The following DLGAP1 variants were observed in gnomAD, a reference collection of about 807,000 sequenced individuals.
DLGAP1 encodes the protein DLG associated protein 1.
In DLGAP1, 11 loss-of-function variants were observed where a neutral mutation model predicts 90.8. The ratio of observed to expected loss-of-function variants is 0.12; its 90% CI spans 0.08 to 0.20. DLGAP1 has a LOEUF of 0.20. DLGAP1 is among the 10% of genes least tolerant of loss of function. DLGAP1 has a pLI of 1.00. For synonymous variants in DLGAP1, 558 were observed against 540.7 expected (o/e 1.03, Z -0.44); for missense variants, 1,050 against 1,333.8 (o/e 0.79, Z 3.31).
intron 5 of DLGAP1, among the ~76,000 whole-genome samples, chr18:3,763,537 C>T (rs1170669917): frequency 1.3e-5 from 2 of 152,124 alleles, no homozygotes; most frequent in Non-Finnish European, 1.5e-5. Flanking sequence ...GGCCTATAAT[C>T]TCATTTTTTA....
At chr18:3,551,722 C>CCCTTCCTTCCTTCCTTCCTTCCTT (rs1156785378) in intron 9 of DLGAP1, among the ~76,000 whole-genome samples, 8 of 12,538 alleles carry the variant, frequency 6.4e-4, no homozygotes, top group African/African-American at 1.2e-3. Context: ...CTCCCTCCCT[C>CCCTTCCTTCCTTCCTTCCTTCCTT]CCTTCCTTCC....
At chr18:4,430,329 T>A (rs188248398) in intron 1 of DLGAP1, among the ~76,000 whole-genome samples, 211 of 152,314 alleles carry the variant, frequency 1.4e-3, no homozygotes, top group Non-Finnish European at 2.7e-3. Flanking sequence ...AAAGCGATAT[T>A]CACTTCCCCC....
At chr18:4,441,333 G>A (rs1182817113) in intron 1 of DLGAP1, among the ~76,000 whole-genome samples, 2 of 152,202 alleles carry the variant, frequency 1.3e-5, no homozygotes, top group African/African-American at 4.8e-5. Context: ...AGGTTCCACA[G>A]AGATTCACCT....
At chr18:3,581,664 GAA>G (rs71159093) in intron 8 of DLGAP1, among the ~76,000 whole-genome samples, 6 of 142,054 alleles carry the variant, frequency 4.2e-5, no homozygotes, top group African/African-American at 2.6e-5. Flanking sequence ...TTCTCACCAT[GAA>G]AAAAAAAAAA....
intron 11 of DLGAP1, among the ~76,000 whole-genome samples, chr18:3,505,638 A>T (rs1181331503): frequency 5.3e-5 from 2 of 38,080 alleles, no homozygotes; most frequent in Admixed American, 2.0e-4. Context: ...GACTCCCTCT[A>T]AAAAAAAAAA....
At chr18:4,281,201 T>G (rs1343447038) in intron 1 of DLGAP1, among the ~76,000 whole-genome samples, 1 of 152,136 alleles carries the variant, frequency 6.6e-6, no homozygotes, top group East Asian at 1.9e-4. Context: ...TTGAGAAAAG[T>G]TGGAGAAATG....
chr18:3,950,139 C>T (rs1036765112), intron 3 of DLGAP1, among the ~76,000 whole-genome samples: 1 of 152,128 alleles, frequency 6.6e-6, no homozygotes, highest in Admixed American at 6.6e-5. Context: ...AGAATAATAG[C>T]TTGAGTACCC....
At chr18:3,583,544 C>T (rs1342498302) in intron 7 of DLGAP1, among the ~76,000 whole-genome samples, 1 of 152,162 alleles carries the variant, frequency 6.6e-6, no homozygotes, top group Non-Finnish European at 1.5e-5. Context: ...CAAAAGTCTC[C>T]TATTGTAGAA....
chr18:4,243,677 G>A (rs1391149467), intron 1 of DLGAP1, among the ~76,000 whole-genome samples: 2 of 152,150 alleles, frequency 1.3e-5, no homozygotes, highest in African/African-American at 4.8e-5. Flanking sequence ...CTTTCTAAGA[G>A]CACTTACTTC....
chr18:4,282,318 C>T (rs910259168), intron 1 of DLGAP1, among the ~76,000 whole-genome samples: 48 of 147,528 alleles, frequency 3.3e-4, no homozygotes, highest in Non-Finnish European at 5.9e-4. Context: ...GAGCCGAGAT[C>T]GTGCCACTGC....
intron 4 of DLGAP1, among the ~76,000 whole-genome samples, chr18:3,824,212 T>C (rs1284502396): frequency 2.0e-5 from 3 of 152,128 alleles, no homozygotes; most frequent in Non-Finnish European, 4.4e-5. Flanking sequence ...TAATTCCTAG[T>C]TGCAAACATT....
intron 3 of DLGAP1, among the ~76,000 whole-genome samples, chr18:3,891,536 C>G (rs1425188135): frequency 6.6e-6 from 1 of 152,128 alleles, no homozygotes. Flanking sequence ...CTCCTTATTT[C>G]TCATCTAGAC....
chr18:4,183,000 A>G (rs1428253690), intron 1 of DLGAP1, among the ~76,000 whole-genome samples: 2 of 152,196 alleles, frequency 1.3e-5, no homozygotes, highest in Non-Finnish European at 2.9e-5. Context: ...TAAAATGGCA[A>G]TTATAAACAT....
At chr18:3,811,049 G>T (rs2066808960) in intron 5 of DLGAP1, among the ~76,000 whole-genome samples, 1 of 152,132 alleles carries the variant, frequency 6.6e-6, no homozygotes, top group African/African-American at 2.4e-5. Flanking sequence ...CAAGCAATCT[G>T]CCCACCTTGG....
rs10625913 is a variant in DLGAP1 at position 3,619,742 on chromosome 18, CT to C, written c.1592-37495del. Among the ~76,000 whole-genome samples, 934 of 112,374 alleles carry C rather than the reference CT, an allele frequency of 8.3e-3. 9 individuals carry two copies. The highest frequency in any genetic ancestry group is 0.028 in the African/African-American group (808 of 28,786). The allele number at this position is 112,374 out of a possible 152,430, so 73.7% of individuals were successfully genotyped here. A position where few individuals can be genotyped will look rare whatever the true frequency, so the allele number is the denominator to read the frequency against. ...ATCCTGATGCTCTTTTAGTTTTTTC[CT>C]TTTTTTTTTTTTTTTTTGGTGGGAG... On this transcript the variant is annotated intron_variant, in intron 7 of 12. Coordinates refer to ENST00000315677, the MANE Select transcript of DLGAP1 (RefSeq NM_004746.4).
At chr18:4,002,721 T>G (rs1015646296) in intron 3 of DLGAP1, among the ~76,000 whole-genome samples, 2 of 152,176 alleles carry the variant, frequency 1.3e-5, no homozygotes, top group East Asian at 3.8e-4. Context: ...ATTGTGACCC[T>G]TTGGGGCTGG....
chr18:3,750,613 A>T (rs1204316102), intron 5 of DLGAP1, among the ~76,000 whole-genome samples: 1 of 152,168 alleles, frequency 6.6e-6, no homozygotes, highest in African/African-American at 2.4e-5. Context: ...TGCTCCTATC[A>T]TGAGTCCTGT....
At chr18:4,377,629 T>C (rs80266100) in intron 1 of DLGAP1, among the ~76,000 whole-genome samples, 1,779 of 152,274 alleles carry the variant, frequency 0.012, 28 homozygotes, top group African/African-American at 0.038. Flanking sequence ...CCTTATATTA[T>C]GACATGTAAA....
intron 1 of DLGAP1, among the ~76,000 whole-genome samples, chr18:4,178,382 T>C (rs1464462190): frequency 6.6e-6 from 1 of 152,114 alleles, no homozygotes; most frequent in Non-Finnish European, 1.5e-5. Context: ...TTTTTATCTC[T>C]GCTTACTTGA....
Sources: gnomAD v4.1 joint callset for allele counts (sites outside exome capture counted in the v4.1 genomes callset) on GRCh38, gnomAD v4.1.1 for gene constraint, MANE v1.5 for transcripts, NCBI Gene and HGNC (gene_info 2026-07-23, HGNC 2026-07-21) for gene names.